The following RPA3 variants were observed in gnomAD, a reference collection of about 807,000 sequenced individuals.
RPA3 encodes replication protein A3.
A neutral mutation model predicts 13.7 loss-of-function variants in RPA3; 24 were observed. That is an observed-to-expected ratio of 1.75 (90% CI 1.27 to 2.46). RPA3 has a LOEUF of 2.46. RPA3 is among the 30% of genes most tolerant of loss of function. The probability of loss-of-function intolerance (pLI) is 0.00; values close to 1 mark genes in which losing one functional copy is unlikely to be tolerated. For missense variants in RPA3, 183 were observed against 151.0 expected (o/e 1.21, Z -1.11); for synonymous variants, 59 against 51.2 (o/e 1.15, Z -0.65).
At chr7:7,645,658 G>A (rs956184106) in intron 4 of RPA3, among the ~76,000 whole-genome samples, 4 of 152,044 alleles carry the variant, frequency 2.6e-5, no homozygotes, top group African/African-American at 7.3e-5. Context: ...GAATTGTTAC[G>A]GAATTTGATC....
In RPA3 at chr7:7,693,551, A is replaced by G. The variant is rs536447725; in HGVS notation, c.-1027-6223T>C. Among the ~76,000 whole-genome samples the G allele has an allele frequency of 1.5e-3, 234 of 152,290 alleles. 1 individual carries two copies. Among genetic ancestry groups the G allele is most frequent in the African/African-American group, 5.4e-3 (223 of 41,562 alleles). ...ATTCTCAAAAGAGCTTCATGAAACT[A>G]GAACTTCCAGTGTATCAGGAGGCAT... On this transcript the variant is annotated intron_variant, in intron 2 of 7. Transcript: ENST00000223129.
chr7:7,639,024 A>C, intron 6 of RPA3, 46 bp downstream of exon 6: 2 of 1,379,478 alleles, frequency 1.4e-6, no homozygotes, highest in Non-Finnish European at 2.0e-6. Flanking sequence ...ATCAAGATGA[A>C]GAATTAACTA....
intron 2 of RPA3, among the ~76,000 whole-genome samples, chr7:7,712,788 C>G (rs1780800277): frequency 6.6e-6 from 1 of 152,108 alleles, no homozygotes; most frequent in Admixed American, 6.5e-5. Context: ...CAATTGTGAA[C>G]TACTACATAC....
intron 4 of RPA3, among the ~76,000 whole-genome samples, chr7:7,649,250 A>G (rs1221760394): frequency 1.3e-5 from 2 of 152,124 alleles, no homozygotes; most frequent in Non-Finnish European, 1.5e-5. Context: ...TCCAAGGTCC[A>G]GGGACCCACA....
intron 4 of RPA3, among the ~76,000 whole-genome samples, chr7:7,655,364 A>G (rs1244830841): frequency 2.6e-5 from 4 of 152,226 alleles, no homozygotes; most frequent in African/African-American, 9.6e-5. Flanking sequence ...GTATAAAGTA[A>G]AATAAGAAAA....
chr7:7,708,855 T>C (rs1252532200), intron 2 of RPA3, among the ~76,000 whole-genome samples: 1 of 152,072 alleles, frequency 6.6e-6, no homozygotes, highest in South Asian at 2.1e-4. Flanking sequence ...TATGTATATA[T>C]ACAAATACAG....
At position 7,684,672 on chromosome 7, in the gene RPA3, T is replaced by G. The variant is rs190663440; in HGVS notation, c.-758+1158A>C. Among the ~76,000 whole-genome samples the G allele has an allele frequency of 1.5e-3, 221 of 152,350 alleles. 1 individual carries two copies. The highest frequency in any genetic ancestry group is 5.2e-3 in the African/African-American group (217 of 41,576). On this transcript the variant is annotated intron_variant, in intron 4 of 7. Coordinates refer to ENST00000223129, the MANE Select transcript of RPA3 (RefSeq NM_002947.5). ...GCATTTTATTAAATTAATTATACAA[T>G]GTGAATTCCAACTGATCTATGACTC...
rs762029388 is a variant in RPA3 at position 7,639,138 on chromosome 7, G to T, written c.106C>A (p.Pro36Thr). The change falls in exon 6 of 8, where the codon CCC becomes ACC. Residue 36 changes from proline (P) to threonine (T), a missense_variant. By Grantham distance (38) the Pro-to-Thr change is conservative (BLOSUM62 -1). Coordinates refer to ENST00000223129, the MANE Select transcript of RPA3 (RefSeq NM_002947.5). ...CFVGRLEKIH[P>T]TGKMFILSDG... is the part of the protein sequence containing the mutation. ...GAAAGAATAAACATTTTTCCGGTGG[G>T]ATGAATCTAAAAACGAAACATATAA... is the stretch of plus-strand genomic sequence containing the variant. The T allele has an allele frequency of 6.2e-7, 1 of 1,606,936 alleles. No individual in the cohort carries two copies.
intron 2 of RPA3, among the ~76,000 whole-genome samples, chr7:7,692,078 C>T (rs1173055890): frequency 6.6e-6 from 1 of 152,148 alleles, no homozygotes; most frequent in Non-Finnish European, 1.5e-5. Context: ...ACAGCTATTC[C>T]TCTTTACCCC....
chr7:7,686,803 G>A (rs1780051932), intron 3 of RPA3, among the ~76,000 whole-genome samples: 1 of 152,130 alleles, frequency 6.6e-6, no homozygotes, highest in African/African-American at 2.4e-5. Context: ...GAAGTTTCTG[G>A]CCAATGGGAT....
intron 4 of RPA3, among the ~76,000 whole-genome samples, chr7:7,669,601 CTT>C (rs1384085602): frequency 6.6e-6 from 1 of 152,168 alleles, no homozygotes; most frequent in African/African-American, 2.4e-5. Context: ...TGGCATGAGT[CTT>C]TAGCATCAGC....
chr7:7,704,158 G>T (rs548757286), intron 2 of RPA3, among the ~76,000 whole-genome samples: 1 of 152,248 alleles, frequency 6.6e-6, no homozygotes, highest in East Asian at 1.9e-4. Flanking sequence ...GAATGCAGAA[G>T]AGAAAGGCCA....
chr7:7,698,995 C>T (rs988829222), intron 2 of RPA3, among the ~76,000 whole-genome samples: 4 of 150,642 alleles, frequency 2.7e-5, no homozygotes, highest in Non-Finnish European at 5.9e-5. Context: ...TCTGGGACTA[C>T]AGGAGTGCAC....
chr7:7,662,512 C>T (rs115859753), intron 4 of RPA3, among the ~76,000 whole-genome samples: 161 of 152,278 alleles, frequency 1.1e-3, no homozygotes, highest in African/African-American at 3.4e-3. Flanking sequence ...GTATCCGGAC[C>T]GGAGTGCACT....
At chr7:7,661,592 G>C (rs573640788) in intron 4 of RPA3, among the ~76,000 whole-genome samples, 1 of 152,276 alleles carries the variant, frequency 6.6e-6, no homozygotes, top group Non-Finnish European at 1.5e-5. Context: ...AAGTTTGCTG[G>C]AGGTCCAGTC....
Position 7,640,510 on chromosome 7 carries a change from C to A in RPA3, c.-92G>T. ...GTCTATGGGGCAGATTTCTCGGCAC[C>A]AATCAGCGAAGACTAGCGCTCCAGC... On this transcript the variant is annotated 5_prime_UTR_variant, in exon 5 of 8. Transcript: ENST00000223129. 8.4e-7 allele frequency: 1 copy of A among 1,195,986 alleles called. No individual in the cohort carries two copies. The highest frequency in any genetic ancestry group is 1.2e-5 in the South Asian group (1 of 81,440). The allele number at this position is 1,195,986 out of a possible 1,614,324, so 74.1% of individuals were successfully genotyped here.
intron 4 of RPA3, among the ~76,000 whole-genome samples, chr7:7,656,175 T>A (rs1472774886): frequency 6.6e-6 from 1 of 152,118 alleles, no homozygotes; most frequent in Non-Finnish European, 1.5e-5. Context: ...GCCACTACTT[T>A]TATTCTTCTG....
chr7:7,694,228 CT>C (rs1780250752), intron 2 of RPA3, among the ~76,000 whole-genome samples: 1 of 151,874 alleles, frequency 6.6e-6, no homozygotes, highest in Non-Finnish European at 1.5e-5. Flanking sequence ...TTATTGGTAA[CT>C]TTTTATTTTT....
At chr7:7,718,474 G>A (rs2115180420) in intron 1 of RPA3, 41 bp downstream of exon 1, 1 of 152,136 alleles carries the variant, frequency 6.6e-6, no homozygotes. Flanking sequence ...TTATTTTGAA[G>A]GAAAAAACTA....
Sources: gnomAD v4.1 joint callset for allele counts (sites outside exome capture counted in the v4.1 genomes callset) on GRCh38, gnomAD v4.1.1 for gene constraint, MANE v1.5 for transcripts, NCBI Gene and HGNC (gene_info 2026-07-23, HGNC 2026-07-21) for gene names.